GPA33: variants seen among roughly 807,000 people sequenced by gnomAD.
The protein encoded by GPA33 is glycoprotein A33.
GPA33 carries 27 observed loss-of-function variants against 35.6 expected under a neutral mutation model. The observed-to-expected ratio is 0.76, with a 90% confidence interval of 0.56 to 1.04. GPA33 has a LOEUF of 1.04. Among genes scored for constraint, GPA33 ranks in the 50% least tolerant of loss-of-function variants. The pLI is 0.00. For synonymous variants in GPA33, 176 were observed against 164.0 expected, an observed-to-expected ratio of 1.07 and a Z score of -0.56; for missense variants, 428 against 411.9, an observed-to-expected ratio of 1.04 and a Z score of -0.34.
chr1:167,061,296 A>G (rs907567368), intron 4 of GPA33, among the ~76,000 whole-genome samples: 1 of 152,190 alleles, frequency 6.6e-6, no homozygotes, highest in Non-Finnish European at 1.5e-5. Context: ...TGCCACCTGT[A>G]ACCTTCAGCT....
At chr1:167,072,077 G>A (rs145938678) in intron 2 of GPA33, among the ~76,000 whole-genome samples, 2 of 152,298 alleles carry the variant, frequency 1.3e-5, no homozygotes, top group African/African-American at 4.8e-5. Flanking sequence ...GAGCAGTCGG[G>A]ACAGGTGGCT....
intron 1 of GPA33, chr1:167,082,174 T>C: frequency 2.2e-6 from 1 of 445,986 alleles, no homozygotes; most frequent in South Asian, 1.6e-5. Context: ...TCCTACACAA[T>C]CACAGACAGA....
chr1:167,060,729 T>G (rs1310556450), intron 4 of GPA33, among the ~76,000 whole-genome samples: 6 of 152,210 alleles, frequency 3.9e-5, no homozygotes, highest in Non-Finnish European at 5.9e-5. Context: ...GCTGCCCCTT[T>G]GTGAGGCTCC....
At chr1:167,089,865 C>T (rs751228174) in intron 1 of GPA33, among the ~76,000 whole-genome samples, 3 of 152,024 alleles carry the variant, frequency 2.0e-5, no homozygotes, top group Non-Finnish European at 2.9e-5. Flanking sequence ...TTAACACAAA[C>T]GTTAATATAC....
At chr1:167,072,157 C>T (rs901537014) in intron 2 of GPA33, among the ~76,000 whole-genome samples, 8 of 152,022 alleles carry the variant, frequency 5.3e-5, no homozygotes, top group Admixed American at 2.0e-4. Context: ...CCTGCCCGCT[C>T]GAGGCCTTGA....
At chr1:167,059,087 C>T (rs1666373852) in intron 4 of GPA33, among the ~76,000 whole-genome samples, 1 of 152,136 alleles carries the variant, frequency 6.6e-6, no homozygotes. Context: ...CAGCTTTGAG[C>T]TCTAGGCCTT....
intron 4 of GPA33, among the ~76,000 whole-genome samples, chr1:167,056,278 A>C (rs1666248397): frequency 6.6e-6 from 1 of 152,232 alleles, no homozygotes; most frequent in Admixed American, 6.5e-5. Flanking sequence ...GTATTACATG[A>C]AAATGCTTTC....
rs1558001987 is a variant in GPA33 at position 167,056,739 on chromosome 1, G to GCATA, written c.572-891_572-890insTATG. Among the ~76,000 whole-genome samples, 87 of 124,570 alleles carry GCATA rather than the reference G, an allele frequency of 7.0e-4. 1 individual carries two copies. Among genetic ancestry groups the GCATA allele is most frequent in the African/African-American group, 7.5e-4 (26 of 34,458 alleles). 81.7% of individuals were successfully genotyped at this position (124,570 alleles called of 152,430 possible). ...GTGTGTAGTGTGTGATGTATGTGGT[G>GCATA]TGTGTGGTGTGTGTATGGCGTGTGT... is the stretch of plus-strand genomic sequence containing the variant. On this transcript the variant is annotated intron_variant, in intron 4 of 6. Coordinates refer to ENST00000367868, the MANE Select transcript of GPA33 (RefSeq NM_005814.3).
chr1:167,056,851 T>C (rs1317954112), intron 4 of GPA33, among the ~76,000 whole-genome samples: 162 of 30,104 alleles, frequency 5.4e-3, no homozygotes, highest in Admixed American at 5.9e-3. Flanking sequence ...GTGTGTAATG[T>C]GTGTGGTGTG....
intron 2 of GPA33, among the ~76,000 whole-genome samples, chr1:167,070,115 G>C (rs1666686636): frequency 2.0e-5 from 3 of 152,198 alleles, no homozygotes; most frequent in Non-Finnish European, 4.4e-5. Context: ...GCCAGGCAAA[G>C]GGCTGGGGGT....
intron 1 of GPA33, among the ~76,000 whole-genome samples, chr1:167,082,081 C>T (rs745817855): frequency 5.3e-5 from 8 of 151,860 alleles, no homozygotes; most frequent in Admixed American, 2.0e-4. Context: ...AGGTAGAACC[C>T]GAGGGATTCA....
At chr1:167,065,839 T>C (rs1183931993) in intron 3 of GPA33, among the ~76,000 whole-genome samples, 1 of 152,130 alleles carries the variant, frequency 6.6e-6, no homozygotes, top group Non-Finnish European at 1.5e-5. Context: ...GGTCCAAAGT[T>C]CAAGGCCGGG....
At position 167,073,481 on chromosome 1, in the gene GPA33, C is replaced by A. The variant is rs757915035; in HGVS notation, c.102G>T (p.Ser34=). 2.5e-6 allele frequency: 4 copies of A among 1,613,312 alleles called. No individual in the cohort carries two copies. Among genetic ancestry groups the A allele is most frequent in the African/African-American group, 2.7e-5 (2 of 74,890 alleles). The change falls in exon 2 of 7, where the codon TCG becomes TCT. Residue 34 remains serine, a synonymous_variant. Transcript: ENST00000367868. ...VETPQDVLRA[S]QGKSVTLPCT... is the part of the protein sequence containing the mutation. The stretch of plus-strand genomic sequence containing the variant: ...AGGGCAGGGTGACACTCTTTCCCTG[C>A]GAAGCCCGAAGAACGTCCTGCGGAG...
intron 3 of GPA33, among the ~76,000 whole-genome samples, chr1:167,066,563 C>T (rs1282568408): frequency 6.6e-6 from 1 of 152,152 alleles, no homozygotes; most frequent in African/African-American, 2.4e-5. Context: ...AGCCTTCCAC[C>T]GTCAAAAACA....
intron 2 of GPA33, among the ~76,000 whole-genome samples, chr1:167,069,406 C>T: frequency 6.6e-6 from 1 of 152,214 alleles, no homozygotes; most frequent in African/African-American, 2.4e-5. Context: ...ATGGGTCCAT[C>T]TGGGATCCCA....
At chr1:167,083,266 C>A (rs1666987690) in intron 1 of GPA33, among the ~76,000 whole-genome samples, 1 of 152,148 alleles carries the variant, frequency 6.6e-6, no homozygotes, top group Non-Finnish European at 1.5e-5. Flanking sequence ...ATCTATCAAA[C>A]CCAGGAAAGG....
chr1:167,076,869 C>T (rs1015759324), intron 1 of GPA33, among the ~76,000 whole-genome samples: 1 of 152,154 alleles, frequency 6.6e-6, no homozygotes, highest in Non-Finnish European at 1.5e-5. Context: ...TATCAAATGA[C>T]CCTCCATGTG....
intron 1 of GPA33, among the ~76,000 whole-genome samples, chr1:167,076,640 G>T (rs1361578219): frequency 1.3e-5 from 2 of 152,184 alleles, no homozygotes; most frequent in Non-Finnish European, 2.9e-5. Flanking sequence ...TACAGTGAGG[G>T]CCATGTGAGC....
rs201665066 is a variant in GPA33, at chr1:167,055,719, G to T, written c.691+11C>A. On this transcript the variant is annotated intron_variant, in intron 5 of 6. Coordinates refer to ENST00000367868, the MANE Select transcript of GPA33 (RefSeq NM_005814.3). ...GCGTTTGTCAGCCCTCCCCCCGCAG[G>T]CTGCTCTTACGAGATCTGACGGCCA... is the stretch of plus-strand genomic sequence containing the variant. 6.2e-7 allele frequency: 1 copy of T among 1,613,672 alleles called. No individual in the cohort carries two copies. The highest frequency in any genetic ancestry group is 8.5e-7 in the Non-Finnish European group (1 of 1,179,866).
Sources: gnomAD v4.1 joint callset for allele counts (sites outside exome capture counted in the v4.1 genomes callset) on GRCh38, gnomAD v4.1.1 for gene constraint, MANE v1.5 for transcripts, NCBI Gene and HGNC (gene_info 2026-07-23, HGNC 2026-07-21) for gene names.